The following CSMD3 variants were observed in gnomAD, a reference collection of about 807,000 sequenced individuals.
CSMD3 encodes CUB and sushi domain-containing protein 3.
In CSMD3, 177 loss-of-function variants were observed where a neutral mutation model predicts 435.2. That is an observed-to-expected ratio of 0.41 (90% CI 0.36 to 0.46). The LOEUF is 0.46. CSMD3 is among the 20% of genes least tolerant of loss of function. The pLI, the probability that CSMD3 is intolerant of heterozygous loss-of-function variation, is 0.34. For missense variants in CSMD3, 4,265 were observed against 4,504.6 expected (o/e 0.95, Z 1.52); for synonymous variants, 1,656 against 1,520.5 (o/e 1.09, Z -2.07).
chr8:113,085,258 A>T (rs2089719325), intron 5 of CSMD3, among the ~76,000 whole-genome samples: 1 of 152,064 alleles, frequency 6.6e-6, no homozygotes, highest in African/African-American at 2.4e-5. Context: ...AACCACCCAC[A>T]AATAATTCAG....
intron 32 of CSMD3, among the ~76,000 whole-genome samples, chr8:112,449,877 C>T (rs1248554254): frequency 2.0e-5 from 3 of 152,126 alleles, no homozygotes; most frequent in Admixed American, 1.3e-4. Flanking sequence ...CACCCGCCAC[C>T]ACGCCTGGCT....
At chr8:113,109,025 A>G (rs1564324623) in intron 4 of CSMD3, among the ~76,000 whole-genome samples, 1 of 152,236 alleles carries the variant, frequency 6.6e-6, no homozygotes, top group Non-Finnish European at 1.5e-5. Flanking sequence ...ACCAGATTTC[A>G]GACTTATTAT....
At chr8:113,376,840 C>G (rs375333625) in intron 1 of CSMD3, 5 of 1,613,114 alleles carry the variant, frequency 3.1e-6, no homozygotes, top group East Asian at 2.2e-5. Flanking sequence ...TCGCAACAAC[C>G]GGCCACCTCT....
At chr8:112,761,021 A>C (rs2132147152) in intron 13 of CSMD3, among the ~76,000 whole-genome samples, 1 of 152,302 alleles carries the variant, frequency 6.6e-6, no homozygotes, top group African/African-American at 2.4e-5. Flanking sequence ...GTCCATGACA[A>C]AAAAGCTGAA....
intron 20 of CSMD3, among the ~76,000 whole-genome samples, chr8:112,640,327 G>C (rs1350141755): frequency 6.6e-6 from 1 of 151,912 alleles, no homozygotes; most frequent in South Asian, 2.1e-4. Context: ...CAAAGTATTT[G>C]CTAAGAAAAT....
At chr8:112,511,173 T>C (rs942951108) in intron 28 of CSMD3, among the ~76,000 whole-genome samples, 2 of 152,130 alleles carry the variant, frequency 1.3e-5, no homozygotes, top group African/African-American at 4.8e-5. Flanking sequence ...TATCTTGTAG[T>C]CTATTAAGTG....
intron 22 of CSMD3, among the ~76,000 whole-genome samples, chr8:112,600,218 C>T (rs1832205877): frequency 6.6e-6 from 1 of 151,948 alleles, no homozygotes; most frequent in Non-Finnish European, 1.5e-5. Flanking sequence ...CTATAGAACA[C>T]GATATATATA....
intron 27 of CSMD3, among the ~76,000 whole-genome samples, chr8:112,533,904 T>C (rs1825788816): frequency 6.6e-6 from 1 of 151,996 alleles, no homozygotes; most frequent in South Asian, 2.1e-4. Flanking sequence ...CCACAATATT[T>C]GAATCATCTT....
intron 12 of CSMD3, among the ~76,000 whole-genome samples, chr8:112,824,457 A>T (rs2079618284): frequency 6.6e-6 from 1 of 152,074 alleles, no homozygotes; most frequent in South Asian, 2.1e-4. Context: ...TTTCCTTTCC[A>T]TATTGAGTGC....
chr8:113,348,901 T>A (rs2094170870), intron 1 of CSMD3, among the ~76,000 whole-genome samples: 2 of 152,118 alleles, frequency 1.3e-5, no homozygotes, highest in Admixed American at 1.3e-4. Context: ...ATAATTCTGC[T>A]TCTTTCAAAT....
In CSMD3 at chr8:113,335,463, G is replaced by T. The variant is rs75935170; in HGVS notation, c.179-20670C>A. ...TCTCTATTATTTTCTCTATTTTGTT[G>T]TTTTGTTTTCAGATGTTCAGCTCTT... On this transcript the variant is annotated intron_variant, in intron 1 of 70. Transcript: ENST00000297405. Among the ~76,000 whole-genome samples, 431 of 123,206 alleles carry T rather than the reference G, an allele frequency of 3.5e-3. 3 individuals carry two copies. The highest frequency in any genetic ancestry group is 0.013 in the African/African-American group (407 of 32,428). 80.8% of individuals were successfully genotyped at this position (123,206 alleles called of 152,430 possible).
chr8:112,359,653 C>A (rs1180089340), intron 38 of CSMD3, among the ~76,000 whole-genome samples: 2 of 152,040 alleles, frequency 1.3e-5, no homozygotes, highest in Non-Finnish European at 2.9e-5. Context: ...GCCATAAAAG[C>A]AGTGACTTGA....
chr8:113,392,962 T>C (rs2094467353), intron 1 of CSMD3, among the ~76,000 whole-genome samples: 1 of 148,036 alleles, frequency 6.8e-6, no homozygotes, highest in South Asian at 2.1e-4. Flanking sequence ...TATATATGTG[T>C]GTGTGTGTGT....
intron 6 of CSMD3, among the ~76,000 whole-genome samples, chr8:113,002,043 C>T (rs963004377): frequency 6.6e-5 from 10 of 152,054 alleles, no homozygotes; most frequent in African/African-American, 2.4e-4. Flanking sequence ...CTACAAATAA[C>T]TATAAGACAA....
Position 112,373,006 on chromosome 8 carries a change from AT to A in CSMD3, c.6136+7345del, listed in dbSNP as rs60613748. 8.0e-3 allele frequency among the ~76,000 whole-genome samples: 738 copies of A among 91,996 alleles called. 2 individuals carry two copies. The highest frequency in any genetic ancestry group is 9.1e-3 in the African/African-American group (274 of 29,984). 60.4% of individuals were successfully genotyped at this position (91,996 alleles called of 152,430 possible). ...ATATATTTATATTTTATATATAAAA[AT>A]ATATATATATATATATTTTTTTTCT... On this transcript the variant is annotated intron_variant, in intron 38 of 70. Coordinates refer to ENST00000297405, the MANE Select transcript of CSMD3 (RefSeq NM_198123.2).
At chr8:112,510,878 G>A (rs1823050852) in intron 28 of CSMD3, among the ~76,000 whole-genome samples, 1 of 152,094 alleles carries the variant, frequency 6.6e-6, no homozygotes, top group Non-Finnish European at 1.5e-5. Flanking sequence ...ATTGCTAGTG[G>A]TTCTTTATAT....
At chr8:113,406,737 A>G (rs1019856964) in intron 1 of CSMD3, among the ~76,000 whole-genome samples, 15 of 152,036 alleles carry the variant, frequency 9.9e-5, no homozygotes, top group African/African-American at 3.6e-4. Flanking sequence ...GTCCTAATTT[A>G]AACAACAAAT....
intron 3 of CSMD3, among the ~76,000 whole-genome samples, chr8:113,207,385 C>CTT (rs72308827): frequency 2.2e-5 from 3 of 139,336 alleles, no homozygotes; most frequent in Non-Finnish European, 3.1e-5. Context: ...AATTATTTTT[C>CTT]TTTTTTTTTT....
intron 4 of CSMD3, among the ~76,000 whole-genome samples, chr8:113,142,035 G>A (rs1000591970): frequency 2.3e-4 from 34 of 151,058 alleles, no homozygotes; most frequent in Non-Finnish European, 3.3e-4. Context: ...CATACAAATA[G>A]GTTGAAATAC....
Sources: gnomAD v4.1 joint callset for allele counts (sites outside exome capture counted in the v4.1 genomes callset) on GRCh38, gnomAD v4.1.1 for gene constraint, MANE v1.5 for transcripts, NCBI Gene and HGNC (gene_info 2026-07-23, HGNC 2026-07-21) for gene names.